PCDH15: variants seen among roughly 807,000 people sequenced by gnomAD.
PCDH15 encodes protocadherin-15.
Under a neutral mutation model 178.5 loss-of-function variants are expected in PCDH15, and 129 were observed. That is an observed-to-expected ratio of 0.72 (90% CI 0.63 to 0.84). PCDH15 has a LOEUF of 0.84. PCDH15 is among the 40% of genes least tolerant of loss of function. PCDH15 has a pLI of 0.00. For missense variants in PCDH15, 2,230 were observed against 2,099.9 expected (o/e 1.06, Z -1.21); for synonymous variants, 800 against 732.0 (o/e 1.09, Z -1.50).
chr10:54,399,245 G>A (rs1589217348), intron 3 of PCDH15, among the ~76,000 whole-genome samples: 1 of 151,864 alleles, frequency 6.6e-6, no homozygotes, highest in Admixed American at 6.6e-5. Flanking sequence ...ACATGGAAAA[G>A]AAGCCACTGA....
At chr10:53,858,718 G>T (rs2078916355) in intron 27 of PCDH15, among the ~76,000 whole-genome samples, 1 of 152,072 alleles carries the variant, frequency 6.6e-6, no homozygotes, top group African/African-American at 2.4e-5. Flanking sequence ...CGTCATAGGT[G>T]TCTGGGACCA....
At chr10:54,979,500 C>G (rs1289957465) in intron 2 of PCDH15, among the ~76,000 whole-genome samples, 3 of 151,942 alleles carry the variant, frequency 2.0e-5, no homozygotes, top group Non-Finnish European at 4.4e-5. Context: ...AAAGCCCCAT[C>G]TCTTCTAAAT....
At chr10:54,365,132 C>A (rs1946612263) in intron 5 of PCDH15, among the ~76,000 whole-genome samples, 1 of 152,086 alleles carries the variant, frequency 6.6e-6, no homozygotes, top group Admixed American at 6.6e-5. Context: ...TCCCTATTAA[C>A]TTCCATAACC....
At chr10:54,902,825 T>G (rs993518910) in intron 2 of PCDH15, among the ~76,000 whole-genome samples, 1 of 152,082 alleles carries the variant, frequency 6.6e-6, no homozygotes, top group African/African-American at 2.4e-5. Context: ...TTTCAGTCAT[T>G]TGAGAGGGAG....
At chr10:55,019,360 T>A (rs569481970) in intron 2 of PCDH15, among the ~76,000 whole-genome samples, 2 of 152,268 alleles carry the variant, frequency 1.3e-5, no homozygotes, top group East Asian at 3.9e-4. Flanking sequence ...TTTGTTTGTT[T>A]TTAACAAGCC....
chr10:55,595,561 A>C (rs970742128), intron 2 of PCDH15, among the ~76,000 whole-genome samples: 3 of 152,192 alleles, frequency 2.0e-5, no homozygotes, highest in African/African-American at 7.2e-5. Flanking sequence ...TGGAGGAATA[A>C]CCAGGATTAA....
intron 3 of PCDH15, among the ~76,000 whole-genome samples, chr10:54,489,672 G>A (rs1172648834): frequency 6.6e-6 from 1 of 152,042 alleles, no homozygotes; most frequent in Non-Finnish European, 1.5e-5. Flanking sequence ...ACTACATTCT[G>A]GAGATTTATA....
intron 1 of PCDH15, among the ~76,000 whole-genome samples, chr10:55,177,342 C>A (rs1839520198): frequency 6.6e-6 from 1 of 152,132 alleles, no homozygotes; most frequent in South Asian, 2.1e-4. Flanking sequence ...CCAATTGAAA[C>A]AAGCCTTGTC....
chr10:55,108,128 A>T (rs1837404028), intron 2 of PCDH15, among the ~76,000 whole-genome samples: 1 of 152,146 alleles, frequency 6.6e-6, no homozygotes, highest in Admixed American at 6.6e-5. Context: ...TCAGGCCTTC[A>T]TCAGACACCA....
chr10:54,652,200 C>T (rs2094278581), intron 2 of PCDH15, among the ~76,000 whole-genome samples: 1 of 152,182 alleles, frequency 6.6e-6, no homozygotes, highest in Admixed American at 6.5e-5. Flanking sequence ...CTGCTACTTT[C>T]AGGACCTTTC....
At chr10:55,421,528 A>G (rs942287927) in intron 2 of PCDH15, among the ~76,000 whole-genome samples, 1 of 150,428 alleles carries the variant, frequency 6.6e-6, no homozygotes, top group Non-Finnish European at 1.5e-5. Flanking sequence ...ATTTGAATCT[A>G]TCTTCTACTA....
chr10:55,436,162 T>C (rs1277490861), intron 2 of PCDH15, among the ~76,000 whole-genome samples: 1 of 152,134 alleles, frequency 6.6e-6, no homozygotes, highest in Non-Finnish European at 1.5e-5. Flanking sequence ...AGGAGTTTGA[T>C]ATTACTGTTG....
chr10:54,440,907 T>C (rs1434636164), intron 3 of PCDH15, among the ~76,000 whole-genome samples: 1 of 152,008 alleles, frequency 6.6e-6, no homozygotes, highest in East Asian at 1.9e-4. Context: ...ATTCTCCATG[T>C]GGCCTTAGGT....
intron 22 of PCDH15, among the ~76,000 whole-genome samples, chr10:53,960,561 C>T (rs1291542385): frequency 6.6e-6 from 1 of 152,146 alleles, no homozygotes; most frequent in Non-Finnish European, 1.5e-5. Context: ...TACATTACAT[C>T]AAAGTAATTC....
chr10:54,602,324 CACTT>C (rs1349198825), intron 2 of PCDH15, among the ~76,000 whole-genome samples: 1 of 151,584 alleles, frequency 6.6e-6, no homozygotes. Flanking sequence ...CTACAAATGC[CACTT>C]ACTTTTATTT....
At chr10:53,897,995 C>G (rs2133585987) in intron 26 of PCDH15, among the ~76,000 whole-genome samples, 1 of 100,550 alleles carries the variant, frequency 9.9e-6, no homozygotes, top group Middle Eastern at 0.011. Context: ...GAGACAGAGT[C>G]TCGCTCTGTC....
chr10:54,083,588 AGC>A (rs913475069), intron 16 of PCDH15, among the ~76,000 whole-genome samples: 54 of 152,292 alleles, frequency 3.5e-4, no homozygotes, highest in African/African-American at 1.3e-3. Context: ...AACTTGATGA[AGC>A]CAGTACGCAG....
chr10:55,430,131 A>C (rs1435871048), intron 2 of PCDH15, among the ~76,000 whole-genome samples: 1 of 152,146 alleles, frequency 6.6e-6, no homozygotes, highest in African/African-American at 2.4e-5. Flanking sequence ...CTCTACAAAA[A>C]ATAAAGAAAG....
chr10:54,189,561 A>C (rs899529708), intron 11 of PCDH15, among the ~76,000 whole-genome samples: 2 of 152,148 alleles, frequency 1.3e-5, no homozygotes, highest in African/African-American at 2.4e-5. Context: ...TATGAAGCAT[A>C]TAAATACTTA....
Sources: gnomAD v4.1 joint callset for allele counts (sites outside exome capture counted in the v4.1 genomes callset) on GRCh38, gnomAD v4.1.1 for gene constraint, MANE v1.5 for transcripts, NCBI Gene and HGNC (gene_info 2026-07-23, HGNC 2026-07-21) for gene names.